Variants in CASK observed in about 807,000 individuals in gnomAD.
CASK encodes peripheral plasma membrane protein CASK.
In CASK, 4 loss-of-function variants were observed where a neutral mutation model predicts 82.9. That is an observed-to-expected ratio of 0.05 (90% CI 0.02 to 0.11). CASK has a LOEUF of 0.11. CASK is among the 10% of genes least tolerant of loss of function. The probability of loss-of-function intolerance (pLI) is 1.00; values close to 1 mark genes in which losing one functional copy is unlikely to be tolerated. For missense variants in CASK, 358 were observed against 720.9 expected, an observed-to-expected ratio of 0.50 and a Z score of 5.76; for synonymous variants, 259 against 253.5, an observed-to-expected ratio of 1.02 and a Z score of -0.20.
chrX:41,529,872 G>A lies in CASK; in HGVS notation c.2520+1135C>T, dbSNP rs139738758. On this transcript the variant is annotated intron_variant, in intron 25 of 26. Transcript: ENST00000378163. ...GGAAATGGGTGAACCCACTGGCCAC[G>A]AATTAGGATCCTGGAGCCCAGAAAC... Among the ~76,000 whole-genome samples the A allele has an allele frequency of 7.2e-5, 8 of 111,773 alleles. No individual in the cohort carries two copies. In the East Asian group the frequency reaches 2.2e-3, roughly 31 times the overall value.
intron 12 of CASK, among the ~76,000 whole-genome samples, chrX:41,598,988 A>G (rs921322461): frequency 1.8e-5 from 2 of 111,784 alleles, no homozygotes; most frequent in African/African-American, 6.5e-5. Context: ...AAATTTTACA[A>G]ATCTTACACT....
chrX:41,604,810 C>T (rs1236109092), intron 12 of CASK, among the ~76,000 whole-genome samples: 5 of 112,343 alleles, frequency 4.5e-5, no homozygotes, highest in Non-Finnish European at 9.4e-5. Flanking sequence ...TGAGAAGCTG[C>T]ATATGTGTGC....
intron 10 of CASK, 79 bp from the exon 11 acceptor site, chrX:41,622,713 C>A: frequency 1.2e-6 from 1 of 861,010 alleles, no homozygotes; most frequent in Admixed American, 2.7e-5. Context: ...ACAGTTCGGC[C>A]CACTACATGA....
chrX:41,652,292 G>C lies in CASK; in HGVS notation c.831+8147C>G, dbSNP rs945367194. On this transcript the variant is annotated intron_variant, in intron 8 of 26. Coordinates refer to ENST00000378163, the MANE Select transcript of CASK (RefSeq NM_001367721.1). ...TACAGAATTAAGAAAGAATACCTAG[G>C]GGGAGAGGCCTGGATTCAGGAGTCA... Among the ~76,000 whole-genome samples, 14 of 111,452 alleles carry C rather than the reference G, an allele frequency of 1.3e-4. No homozygotes were observed. The East Asian group carries it at 3.9e-3, about 31-fold the overall frequency.
At chrX:41,898,112 T>C (rs996749567) in intron 1 of CASK, among the ~76,000 whole-genome samples, 10 of 111,175 alleles carry the variant, frequency 9.0e-5, no homozygotes, top group Non-Finnish European at 1.5e-4. Context: ...GAGTTTCTTT[T>C]GGGGGAGGTT....
chrX:41,792,437 G>A (rs1434818201), intron 2 of CASK, among the ~76,000 whole-genome samples: 1 of 109,002 alleles, frequency 9.2e-6, no homozygotes, highest in Non-Finnish European at 1.9e-5. Context: ...CTACAGGCAC[G>A]TGCCACCATG....
chrX:41,733,264 T>C (rs1240951184), intron 5 of CASK, among the ~76,000 whole-genome samples: 1 of 110,342 alleles, frequency 9.1e-6, no homozygotes, highest in Non-Finnish European at 1.9e-5. Context: ...TTGATTTCTT[T>C]TTTTGTAGGA....
intron 14 of CASK, among the ~76,000 whole-genome samples, chrX:41,580,130 G>A (rs767287324): frequency 8.9e-6 from 1 of 112,011 alleles, no homozygotes; most frequent in Non-Finnish European, 1.9e-5. Flanking sequence ...TGTCCTATGT[G>A]GGCAAATCCC....
intron 26 of CASK, 129 bp downstream of exon 26, chrX:41,523,822 C>T (rs1199331772): frequency 1.8e-6 from 1 of 555,642 alleles, no homozygotes; most frequent in Non-Finnish European, 3.1e-6. Context: ...TCCCATGTAG[C>T]ATTCTATTCC....
chrX:41,900,450 G>T (rs959133837), intron 1 of CASK, among the ~76,000 whole-genome samples: 3 of 110,330 alleles, frequency 2.7e-5, no homozygotes, highest in Non-Finnish European at 3.8e-5. Context: ...TCATTTAGTT[G>T]TCTTTTTCTT....
chrX:41,544,762 G>A (rs1466221333), intron 21 of CASK, among the ~76,000 whole-genome samples: 3 of 108,621 alleles, frequency 2.8e-5, no homozygotes, highest in Non-Finnish European at 5.7e-5. Flanking sequence ...GTGATTGGGT[G>A]TGATGTTACG....
intron 10 of CASK, 114 bp downstream of exon 10, chrX:41,626,490 A>G: frequency 1.9e-6 from 1 of 537,535 alleles, no homozygotes; most frequent in Non-Finnish European, 3.3e-6. Context: ...AAACTTCCTT[A>G]GAATCCGTTG....
At chrX:41,825,359 C>T (rs1489165986) in intron 2 of CASK, among the ~76,000 whole-genome samples, 1 of 95,644 alleles carries the variant, frequency 1.0e-5, no homozygotes, top group Non-Finnish European at 2.3e-5. Flanking sequence ...ATTAGATTAT[C>T]TAAAGTGATA....
At chrX:41,884,310 T>C (rs993803264) in intron 1 of CASK, among the ~76,000 whole-genome samples, 2 of 112,052 alleles carry the variant, frequency 1.8e-5, no homozygotes, top group Non-Finnish European at 3.8e-5. Flanking sequence ...AGGGGGCAGT[T>C]TGTGGGACAC....
chrX:41,690,265 T>C (rs746902062), intron 5 of CASK, among the ~76,000 whole-genome samples: 1 of 110,724 alleles, frequency 9.0e-6, no homozygotes, highest in Non-Finnish European at 1.9e-5. Flanking sequence ...GTGAATGACA[T>C]TGTAATGTAC....
At chrX:41,915,136 G>A (rs1166860711) in intron 1 of CASK, among the ~76,000 whole-genome samples, 2 of 109,944 alleles carry the variant, frequency 1.8e-5, no homozygotes, top group Non-Finnish European at 3.8e-5. Flanking sequence ...TCCAAACCAC[G>A]AGCCCTAGAG....
chrX:41,657,820 T>C (rs754006387), intron 8 of CASK, among the ~76,000 whole-genome samples: 49 of 111,839 alleles, frequency 4.4e-4, no homozygotes, highest in African/African-American at 1.5e-3. Context: ...TTTCCTGGCA[T>C]ACAACTCCTA....
intron 18 of CASK, chrX:41,558,795 A>G (rs956738231): frequency 8.9e-6 from 1 of 111,979 alleles, no homozygotes; most frequent in South Asian, 3.8e-4. Flanking sequence ...TGTATCTTCA[A>G]TAGGCTTTTA....
intron 3 of CASK, among the ~76,000 whole-genome samples, chrX:41,749,122 T>TA (rs911914572): frequency 4.6e-5 from 5 of 108,630 alleles, no homozygotes; most frequent in African/African-American, 1.7e-4. Context: ...CTGTCTCTAC[T>TA]AAAAAAATAC....
Sources: allele counts gnomAD v4.1 joint callset (sites outside exome capture counted in the v4.1 genomes callset), GRCh38; gene constraint gnomAD v4.1.1; transcripts MANE v1.5; gene names NCBI Gene and HGNC (gene_info 2026-07-23, HGNC 2026-07-21).